The following CSMD1 variants were observed in gnomAD, a reference collection of about 807,000 sequenced individuals.
The protein encoded by CSMD1 is CUB and Sushi multiple domains 1.
Under a neutral mutation model 417.5 loss-of-function variants are expected in CSMD1, and 213 were observed. That is an observed-to-expected ratio of 0.51 (90% CI 0.46 to 0.57). The LOEUF (loss-of-function observed/expected upper bound fraction) is 0.57, where lower values mean the gene tolerates loss of function less well. CSMD1 is among the 20% of genes least tolerant of loss of function. The pLI, the probability that CSMD1 is intolerant of heterozygous loss-of-function variation, is 0.00. For synonymous variants in CSMD1, 2,862 were observed against 1,736.8 expected (o/e 1.65, Z -16.11); for missense variants, 6,923 against 4,529.7 (o/e 1.53, Z -15.17).
At chr8:3,166,582 C>A (rs1585533074) in intron 37 of CSMD1, among the ~76,000 whole-genome samples, 1 of 152,124 alleles carries the variant, frequency 6.6e-6, no homozygotes, top group East Asian at 1.9e-4. Context: ...AACAAGTCTG[C>A]CTTTCCTGAA....
At chr8:4,331,260 G>C (rs1016439598) in intron 3 of CSMD1, among the ~76,000 whole-genome samples, 6 of 152,138 alleles carry the variant, frequency 3.9e-5, no homozygotes, top group African/African-American at 1.4e-4. Context: ...AGAGAAGCCA[G>C]GGAACTCGGT....
At chr8:3,751,681 T>C (rs972877791) in intron 6 of CSMD1, among the ~76,000 whole-genome samples, 3 of 152,048 alleles carry the variant, frequency 2.0e-5, no homozygotes, top group Admixed American at 6.6e-5. Context: ...ATCTAAGTGA[T>C]TGCTATTTTC....
Position 3,574,949 on chromosome 8 carries a change from T to C in CSMD1, c.1340A>G (p.Asp447Gly), listed in dbSNP as rs376057214. 1 of 1,612,176 alleles carries C rather than the reference T, an allele frequency of 6.2e-7. No individual in the cohort carries two copies. Among genetic ancestry groups the C allele is most frequent in the Non-Finnish European group, 8.5e-7 (1 of 1,179,662 alleles). Residue 447 changes from aspartate (D) to glycine (G), a missense_variant, in exon 10 of 70, where the codon GAC becomes GGC. By Grantham distance (94) the Asp-to-Gly change is moderately conservative. Transcript: ENST00000635120. The part of the protein sequence containing the change: ...CVWVITTTDP[D>G]KVIKLAFEEF... ...GGGTTGGAGGCGGAGCCTTACCTTGTCCGGGTCGGTGGTGGTGATGACCCA... is the reference window on the plus strand; with the variant it reads ...GGGTTGGAGGCGGAGCCTTACCTTGCCCGGGTCGGTGGTGGTGATGACCCA...
At chr8:4,029,987 G>C (rs960209901) in intron 4 of CSMD1, among the ~76,000 whole-genome samples, 1 of 152,152 alleles carries the variant, frequency 6.6e-6, no homozygotes, top group African/African-American at 2.4e-5. Context: ...CTTTGACTTT[G>C]TGTCTCACAT....
chr8:4,172,587 A>G (rs1319854100), intron 3 of CSMD1, among the ~76,000 whole-genome samples: 2 of 152,144 alleles, frequency 1.3e-5, no homozygotes, highest in Non-Finnish European at 2.9e-5. Flanking sequence ...TATATATGGT[A>G]AGGAACATCT....
At chr8:3,607,414 A>C (rs1442443184) in intron 8 of CSMD1, among the ~76,000 whole-genome samples, 5 of 152,242 alleles carry the variant, frequency 3.3e-5, no homozygotes, top group Non-Finnish European at 7.3e-5. Flanking sequence ...CTAAAATAAC[A>C]GTAGAAAGTA....
intron 20 of CSMD1, among the ~76,000 whole-genome samples, 185 bp from the exon 21 acceptor site, chr8:3,359,525 G>A (rs1351071163): frequency 6.7e-6 from 1 of 148,360 alleles, no homozygotes; most frequent in East Asian, 2.0e-4. Context: ...TATGACAAAT[G>A]ACATGGGATT....
intron 4 of CSMD1, among the ~76,000 whole-genome samples, chr8:4,017,330 A>C (rs1796571644): frequency 6.6e-6 from 1 of 152,070 alleles, no homozygotes; most frequent in South Asian, 2.1e-4. Context: ...GGGAGGACAA[A>C]GTTTCGCTCT....
At chr8:4,618,274 T>C (rs570611444) in intron 2 of CSMD1, among the ~76,000 whole-genome samples, 232 of 143,506 alleles carry the variant, frequency 1.6e-3, no homozygotes, top group Non-Finnish European at 2.5e-3. Context: ...GCGCCTCTTT[T>C]GTAATATTGC....
At chr8:4,737,516 C>T (rs1484033784) in intron 1 of CSMD1, among the ~76,000 whole-genome samples, 1 of 152,098 alleles carries the variant, frequency 6.6e-6, no homozygotes, top group Non-Finnish European at 1.5e-5. Context: ...AAACATAAAA[C>T]ATCATTACCA....
At chr8:3,392,377 G>C (rs1018152451) in intron 17 of CSMD1, among the ~76,000 whole-genome samples, 11 of 152,118 alleles carry the variant, frequency 7.2e-5, no homozygotes, top group Non-Finnish European at 1.5e-5. Context: ...TCATTTTCTA[G>C]TGCCTGCATC....
chr8:3,763,411 T>C (rs1200282618), intron 5 of CSMD1, among the ~76,000 whole-genome samples: 2 of 152,068 alleles, frequency 1.3e-5, no homozygotes, highest in Admixed American at 6.6e-5. Flanking sequence ...TTCTCACTCT[T>C]AGTTTACTCC....
intron 3 of CSMD1, among the ~76,000 whole-genome samples, chr8:4,282,520 T>A (rs530180035): frequency 4.6e-5 from 7 of 152,234 alleles, no homozygotes; most frequent in African/African-American, 1.7e-4. Context: ...GCTTTGCGTT[T>A]GTAAAGCAAC....
At chr8:3,147,528 G>A (rs2129034012) in intron 40 of CSMD1, among the ~76,000 whole-genome samples, 1 of 152,268 alleles carries the variant, frequency 6.6e-6, no homozygotes, top group Admixed American at 6.5e-5. Context: ...CTTCAGCTGG[G>A]GCACTGAGTC....
intron 2 of CSMD1, among the ~76,000 whole-genome samples, chr8:4,617,721 C>G (rs73504887): frequency 6.6e-6 from 1 of 152,038 alleles, no homozygotes; most frequent in African/African-American, 2.4e-5. Flanking sequence ...CCACTTATTA[C>G]CTACCCCAAC....
chr8:4,360,296 C>G (rs1042881412), intron 3 of CSMD1, among the ~76,000 whole-genome samples: 5 of 152,132 alleles, frequency 3.3e-5, no homozygotes, highest in Non-Finnish European at 5.9e-5. Context: ...ATAGTGGTCC[C>G]CAAATGCATC....
intron 2 of CSMD1, among the ~76,000 whole-genome samples, chr8:4,531,801 C>A (rs1454539551): frequency 6.6e-6 from 1 of 152,174 alleles, no homozygotes; most frequent in African/African-American, 2.4e-5. Context: ...GTTTTACAGC[C>A]ACCATCATAA....
intron 1 of CSMD1, among the ~76,000 whole-genome samples, chr8:4,765,529 G>C (rs1812406073): frequency 6.6e-6 from 1 of 152,182 alleles, no homozygotes; most frequent in Non-Finnish European, 1.5e-5. Context: ...GGAAATGGAA[G>C]GCAAAGAAAG....
At chr8:4,286,113 G>A (rs533524000) in intron 3 of CSMD1, among the ~76,000 whole-genome samples, 3 of 152,144 alleles carry the variant, frequency 2.0e-5, no homozygotes, top group South Asian at 2.1e-4. Flanking sequence ...GACCGTTCAC[G>A]TTAACGATAT....
Sources: allele counts gnomAD v4.1 joint callset (sites outside exome capture counted in the v4.1 genomes callset), GRCh38; gene constraint gnomAD v4.1.1; transcripts MANE v1.5; gene names NCBI Gene and HGNC (gene_info 2026-07-23, HGNC 2026-07-21).